AASDHPPT: variants seen among roughly 807,000 people sequenced by gnomAD.
The protein encoded by AASDHPPT is L-aminoadipate-semialdehyde dehydrogenase-phosphopantetheinyl transferase.
In AASDHPPT, 23 loss-of-function variants were observed where a neutral mutation model predicts 36.4. That is an observed-to-expected ratio of 0.63 (90% confidence interval 0.45 to 0.89). The LOEUF is 0.89. Among genes scored for constraint, AASDHPPT ranks in the 40% least tolerant of loss-of-function variants. The pLI, the probability that AASDHPPT is intolerant of heterozygous loss-of-function variation, is 0.00. For missense variants in AASDHPPT, 377 were observed against 378.2 expected (o/e 1.00, Z 0.03); for synonymous variants, 115 against 128.0 (o/e 0.90, Z 0.68).
chr11:106,084,997 C>A (rs1298016372), intron 2 of AASDHPPT, among the ~76,000 whole-genome samples: 1 of 152,156 alleles, frequency 6.6e-6, no homozygotes, highest in Non-Finnish European at 1.5e-5. Flanking sequence ...ATTTACAGAA[C>A]TAACAAAAAG....
intron 2 of AASDHPPT, among the ~76,000 whole-genome samples, chr11:106,089,203 G>A (rs947584814): frequency 6.6e-6 from 1 of 151,952 alleles, no homozygotes; most frequent in African/African-American, 2.4e-5. Flanking sequence ...AAGTATTAAG[G>A]GGATGTTCAA....
At chr11:106,091,572 C>A in intron 4 of AASDHPPT, 95 bp downstream of exon 4, 1 of 1,263,152 alleles carries the variant, frequency 7.9e-7, no homozygotes, top group Non-Finnish European at 1.1e-6. Context: ...TGAATTTGGA[C>A]GCAACTGAAT....
chr11:106,096,668 AT>A, intron 5 of AASDHPPT, 74 bp from the exon 6 acceptor site: 1 of 1,259,506 alleles, frequency 7.9e-7, no homozygotes, highest in Non-Finnish European at 1.1e-6. Flanking sequence ...GGTCTTACTT[AT>A]TTTCATGATT....
chr11:106,094,993 C>T (rs1190204856), intron 5 of AASDHPPT, among the ~76,000 whole-genome samples: 4 of 151,898 alleles, frequency 2.6e-5, no homozygotes, highest in African/African-American at 7.3e-5. Flanking sequence ...GGTGTGGTGG[C>T]GGGCGCCTGT....
intron 2 of AASDHPPT, among the ~76,000 whole-genome samples, chr11:106,082,650 CCCTCTA>C (rs1454207488): frequency 6.6e-6 from 1 of 152,168 alleles, no homozygotes; most frequent in African/African-American, 2.4e-5. Flanking sequence ...TCATTTCCCT[CCCTCTA>C]CCTGTTCTCC....
chr11:106,084,638 T>TC (rs1412351943), intron 2 of AASDHPPT, among the ~76,000 whole-genome samples: 2 of 151,490 alleles, frequency 1.3e-5, no homozygotes, highest in African/African-American at 2.4e-5. Context: ...TATAGCAGAA[T>TC]CTTTTTTTTT....
chr11:106,079,301 A>G (rs1861104590), intron 1 of AASDHPPT, among the ~76,000 whole-genome samples, 166 bp from the exon 2 acceptor site: 1 of 152,202 alleles, frequency 6.6e-6, no homozygotes, highest in Non-Finnish European at 1.5e-5. Context: ...CTTTTTATCT[A>G]CTTAAGCATT....
At chr11:106,079,811 T>C in intron 2 of AASDHPPT, 119 bp downstream of exon 2, 1 of 832,882 alleles carries the variant, frequency 1.2e-6, no homozygotes. Flanking sequence ...GAAAATGTGC[T>C]TAGTACACAA....
intron 1 of AASDHPPT, among the ~76,000 whole-genome samples, chr11:106,078,372 C>A (rs567706995): frequency 6.6e-6 from 1 of 152,204 alleles, no homozygotes; most frequent in South Asian, 2.1e-4. Flanking sequence ...TGTAGCCCTG[C>A]GCTCCCCGGG....
intron 2 of AASDHPPT, 140 bp from the exon 3 acceptor site, chr11:106,090,417 T>C: frequency 1.7e-6 from 1 of 599,144 alleles, no homozygotes; most frequent in Non-Finnish European, 2.6e-6. Flanking sequence ...AGATTTTGTT[T>C]AGGATTATTT....
intron 4 of AASDHPPT, chr11:106,093,621 A>C (rs910257295): frequency 6.6e-6 from 1 of 152,164 alleles, no homozygotes. Flanking sequence ...AAGATAAAAA[A>C]TGAAAAAGCT....
intron 2 of AASDHPPT, among the ~76,000 whole-genome samples, chr11:106,079,897 AT>A (rs201299478): frequency 0.033 from 4,972 of 152,332 alleles, 111 homozygotes; most frequent in Admixed American, 0.046. Context: ...ATAATAGATT[AT>A]CCGTTACTGG....
intron 2 of AASDHPPT, among the ~76,000 whole-genome samples, chr11:106,081,398 T>A (rs1271867517): frequency 6.6e-6 from 1 of 152,220 alleles, no homozygotes; most frequent in East Asian, 1.9e-4. Context: ...CCTGAAACTG[T>A]ATGCTACATT....
intron 2 of AASDHPPT, among the ~76,000 whole-genome samples, chr11:106,085,323 G>A (rs967269551): frequency 2.0e-5 from 3 of 151,310 alleles, no homozygotes; most frequent in African/African-American, 7.3e-5. Context: ...GGGTGGTCTT[G>A]ATCTCCTGAC....
chr11:106,097,011 T>C lies in AASDHPPT; in HGVS notation c.*104T>C, dbSNP rs1861322241. 1.6e-6 allele frequency: 2 copies of C among 1,244,446 alleles called. No homozygotes were observed. The highest frequency in any genetic ancestry group is 3.2e-5 in the African/African-American group (2 of 62,700). The allele number at this position is 1,244,446 out of a possible 1,614,324, so 77.1% of individuals were successfully genotyped here. ...ATCAAATTTTATTTCACGAAAGTTT[T>C]TTTAAAGAACAGAAACTTTTCCAAT... On this transcript the variant is annotated 3_prime_UTR_variant, in exon 6 of 6. Coordinates refer to ENST00000278618, the MANE Select transcript of AASDHPPT (RefSeq NM_015423.3).
intron 2 of AASDHPPT, among the ~76,000 whole-genome samples, chr11:106,082,471 T>C (rs2155342): frequency 0.94 from 143,635 of 152,212 alleles, 68,258 homozygotes; most frequent in Non-Finnish European, 1. Context: ...TACTAGGCAT[T>C]GTTACTAGAT....
At position 106,094,616 on chromosome 11, in the gene AASDHPPT, G is replaced by T; in HGVS notation, c.727G>T (p.Val243Phe). ...AATAGATGAGCACCATTTTGTTGCA[G>T]TTGCTCTTAGGAAACCCGATGGATC... The part of the protein sequence containing the change: ...SKIDEHHFVA[V>F]ALRKPDGSRH... The change falls in exon 5 of 6, where the codon GTT (valine) becomes TTT (phenylalanine). Residue 243 changes from valine to phenylalanine, a missense_variant. Val to Phe is a conservative substitution (Grantham distance 50). Coordinates refer to ENST00000278618, the MANE Select transcript of AASDHPPT (RefSeq NM_015423.3). 2 of 1,607,620 alleles carry T rather than the reference G, an allele frequency of 1.2e-6. No homozygotes were observed. Among genetic ancestry groups the T allele is most frequent in the Non-Finnish European group, 8.5e-7 (1 of 1,176,920 alleles).
rs1266410372 is a variant in AASDHPPT, at chr11:106,094,674, C to CT, written c.765+26dup. Reference sequence around the variant, plus strand: ...CAGGATGTAAGATTTTAGGATTTCTCTTTTTTCTAAATAGCATGAATCAAT... The same window carrying CT: ...CAGGATGTAAGATTTTAGGATTTCTCTTTTTTTCTAAATAGCATGAATCAAT... On this transcript the variant is annotated intron_variant, in intron 5 of 5. Transcript: ENST00000278618. 11 of 1,566,226 alleles carry CT rather than the reference C, an allele frequency of 7.0e-6. No homozygotes were observed. Among genetic ancestry groups the CT allele is most frequent in the Non-Finnish European group, 9.5e-6 (11 of 1,152,128 alleles).
Position 106,094,635 on chromosome 11 carries a change from A to G in AASDHPPT, c.746A>G (p.Asp249Gly). Residue 249 changes from aspartate (D) to glycine (G), a missense_variant, in exon 5 of 6, where the codon GAT becomes GGT. Physicochemically the swap from Asp to Gly is moderately conservative, Grantham distance 94. Transcript: ENST00000278618. ...GTTGCAGTTGCTCTTAGGAAACCCG[A>G]TGGATCTAGACATCAGGATGTAAGA... is the stretch of plus-strand genomic sequence containing the variant. ...HFVAVALRKPDGSRHQDVPSQ... is the reference protein window; with the variant it reads ...HFVAVALRKPGGSRHQDVPSQ... 2 of 1,605,822 alleles carry G rather than the reference A, an allele frequency of 1.2e-6. No homozygotes were observed. Among genetic ancestry groups the G allele is most frequent in the Non-Finnish European group, 1.7e-6 (2 of 1,176,018 alleles).
Sources: gnomAD v4.1 joint callset for allele counts (sites outside exome capture counted in the v4.1 genomes callset) on GRCh38, gnomAD v4.1.1 for gene constraint, MANE v1.5 for transcripts, NCBI Gene and HGNC (gene_info 2026-07-23, HGNC 2026-07-21) for gene names.